Variants in LRRC37A2 observed in about 807,000 individuals in gnomAD.
LRRC37A2 encodes leucine-rich repeat-containing protein 37A2.
LRRC37A2 carries 9 observed loss-of-function variants against 68.8 expected under a neutral mutation model. That is an observed-to-expected ratio of 0.13 (90% confidence interval 0.08 to 0.23). The LOEUF is 0.23. Among genes scored for constraint, LRRC37A2 ranks in the 10% least tolerant of loss-of-function variants. The probability of loss-of-function intolerance (pLI) is 1.00; values close to 1 mark genes in which losing one functional copy is unlikely to be tolerated. For missense variants in LRRC37A2, 168 were observed against 950.4 expected, an observed-to-expected ratio of 0.18 and a Z score of 10.82; for synonymous variants, 63 against 367.6, an observed-to-expected ratio of 0.17 and a Z score of 9.48.
the LRRC37A2 span, chr17:46,941,333 G>A: frequency 3.0e-6 from 3 of 984,994 alleles, no homozygotes; most frequent in Non-Finnish European, 3.6e-6. Context: ...CACATCAGCT[G>A]AATAAAGTTG....
At chr17:46,903,716 T>G in the LRRC37A2 span, among the ~76,000 whole-genome samples, 1 of 135,018 alleles carries the variant, frequency 7.4e-6, no homozygotes, top group African/African-American at 2.8e-5. Flanking sequence ...GATGTATGGG[T>G]GGCTTGGGGA....
At chr17:46,766,666 C>T in the LRRC37A2 span, among the ~76,000 whole-genome samples, 3 of 152,190 alleles carry the variant, frequency 2.0e-5, no homozygotes, top group South Asian at 6.2e-4. Flanking sequence ...AGTCGCCCCT[C>T]AGCCAGAGCT....
chr17:46,973,716 A>T, the LRRC37A2 span, among the ~76,000 whole-genome samples: 1 of 152,096 alleles, frequency 6.6e-6, no homozygotes, highest in East Asian at 1.9e-4. Flanking sequence ...ATCTTTATTG[A>T]CAAGAAAGAA....
chr17:46,549,204 A>C (rs1567983191), exon 10 of LRRC37A2: 1 of 1,611,188 alleles, frequency 6.2e-7, no homozygotes, highest in Non-Finnish European at 8.5e-7. Context: ...ATTCCCCTTC[A>C]CAAGGGGCTT....
the LRRC37A2 span, among the ~76,000 whole-genome samples, chr17:46,671,743 A>G: frequency 1.0e-5 from 1 of 98,992 alleles, no homozygotes; most frequent in Non-Finnish European, 2.3e-5. Context: ...TAATTTGTGA[A>G]TTGTTTATTT....
At chr17:46,908,449 C>G in the LRRC37A2 span, among the ~76,000 whole-genome samples, 9 of 152,256 alleles carry the variant, frequency 5.9e-5, no homozygotes, top group African/African-American at 2.2e-4. Flanking sequence ...CCCCTGACTG[C>G]CTGGCCTCCG....
At chr17:46,884,385 C>A in the LRRC37A2 span, among the ~76,000 whole-genome samples, 1 of 152,202 alleles carries the variant, frequency 6.6e-6, no homozygotes, top group Non-Finnish European at 1.5e-5. Context: ...CCACACCCAG[C>A]CCCCTCTCCA....
chr17:46,764,996 G>A, the LRRC37A2 span, among the ~76,000 whole-genome samples: 1 of 152,378 alleles, frequency 6.6e-6, no homozygotes, highest in South Asian at 2.1e-4. Context: ...CTCACGCCAG[G>A]CATGCACTGT....
chr17:46,696,091 G>T, the LRRC37A2 span, among the ~76,000 whole-genome samples: 1 of 104,704 alleles, frequency 9.6e-6, no homozygotes, highest in African/African-American at 4.5e-5. Flanking sequence ...TGTTTTTTTT[G>T]CATCACTGAG....
chr17:46,939,551 C>T, the LRRC37A2 span: 1 of 985,422 alleles, frequency 1.0e-6, no homozygotes, highest in Non-Finnish European at 1.2e-6. Flanking sequence ...TGGGCCTTTG[C>T]CCCTTAGAAA....
chr17:46,936,383 C>CA, the LRRC37A2 span: 1 of 985,366 alleles, frequency 1.0e-6, no homozygotes, highest in Non-Finnish European at 1.2e-6. Context: ...GCTGGGGCAT[C>CA]AGCACACCTC....
At chr17:46,756,995 C>T in the LRRC37A2 span, 3 of 152,066 alleles carry the variant, frequency 2.0e-5, no homozygotes, top group African/African-American at 7.3e-5. Flanking sequence ...GTGTGCCTCT[C>T]TCTCCCAACT....
At chr17:46,649,590 G>A in the LRRC37A2 span, among the ~76,000 whole-genome samples, 2 of 150,366 alleles carry the variant, frequency 1.3e-5, no homozygotes, top group African/African-American at 2.5e-5. Context: ...TTATAATGAG[G>A]GTGGTGGCTA....
the LRRC37A2 span, among the ~76,000 whole-genome samples, chr17:46,805,977 G>GT: frequency 2.6e-5 from 4 of 152,180 alleles, no homozygotes; most frequent in Non-Finnish European, 5.9e-5. Flanking sequence ...CAGGGCCTCA[G>GT]TTTCTCATCT....
chr17:46,904,300 G>GTGAGTGGATGGATAGGTAGA, the LRRC37A2 span, among the ~76,000 whole-genome samples: 10 of 151,138 alleles, frequency 6.6e-5, no homozygotes. Flanking sequence ...GGGTAAATGA[G>GTGAGTGGATGGATAGGTAGA]TGAGTGGATG....
At chr17:46,817,529 G>A in the LRRC37A2 span, among the ~76,000 whole-genome samples, 1 of 152,132 alleles carries the variant, frequency 6.6e-6, no homozygotes, top group African/African-American at 2.4e-5. Context: ...ACCTGCGGAG[G>A]GTGGGAGAGC....
the LRRC37A2 span, among the ~76,000 whole-genome samples, chr17:46,771,860 C>A: frequency 1.4e-5 from 2 of 144,926 alleles, no homozygotes; most frequent in East Asian, 2.0e-4. Context: ...CTTTTCAGGC[C>A]GCCCAGGCCC....
the LRRC37A2 span, among the ~76,000 whole-genome samples, chr17:46,879,339 C>T: frequency 1.3e-5 from 2 of 152,112 alleles, no homozygotes; most frequent in Non-Finnish European, 2.9e-5. Flanking sequence ...CTGGTAAGCA[C>T]ATGTCCGCTC....
chr17:46,762,005 G>A, the LRRC37A2 span, among the ~76,000 whole-genome samples: 30 of 152,356 alleles, frequency 2.0e-4, no homozygotes, highest in Admixed American at 5.2e-4. Context: ...TCTTCTTGTA[G>A]ACCAGCCTAC....
Sources: gnomAD v4.1 joint callset for allele counts (sites outside exome capture counted in the v4.1 genomes callset) on GRCh38, gnomAD v4.1.1 for gene constraint, MANE v1.5 for transcripts, NCBI Gene and HGNC (gene_info 2026-07-23, HGNC 2026-07-21) for gene names.